Variants in ATF3 observed in about 807,000 individuals in gnomAD.
ATF3 encodes cyclic AMP-dependent transcription factor ATF-3.
ATF3 carries 10 observed loss-of-function variants against 18.4 expected under a neutral mutation model. The ratio of observed to expected loss-of-function variants is 0.54; its 90% confidence interval spans 0.34 to 0.92. The LOEUF is 0.92. Ranked by LOEUF, ATF3 falls within the 40% of genes least tolerant of loss-of-function variation. The pLI, the probability that ATF3 is intolerant of heterozygous loss-of-function variation, is 0.02. For synonymous variants in ATF3, 78 were observed against 87.9 expected (o/e 0.89, Z 0.63); for missense variants, 183 against 222.3 (o/e 0.82, Z 1.12).
At chr1:212,578,255 T>C (rs1664618284) in intron 1 of ATF3, among the ~76,000 whole-genome samples, 1 of 152,256 alleles carries the variant, frequency 6.6e-6, no homozygotes, top group Non-Finnish European at 1.5e-5. Flanking sequence ...CATTTCCTCC[T>C]TTCTCTTCTT....
At chr1:212,617,694 G>A (rs986216682) in intron 2 of ATF3, among the ~76,000 whole-genome samples, 1 of 152,204 alleles carries the variant, frequency 6.6e-6, no homozygotes, top group African/African-American at 2.4e-5. Context: ...AATTGAAGAA[G>A]AGGCCGGGAG....
chr1:212,581,753 G>A (rs1474958010), intron 1 of ATF3, among the ~76,000 whole-genome samples: 1 of 152,034 alleles, frequency 6.6e-6, no homozygotes, highest in African/African-American at 2.4e-5. Flanking sequence ...ATATACATGT[G>A]AAATATCTTA....
chr1:212,567,024 AT>A (rs1232426503), intron 1 of ATF3, among the ~76,000 whole-genome samples: 3 of 152,138 alleles, frequency 2.0e-5, no homozygotes, highest in Non-Finnish European at 4.4e-5. Flanking sequence ...AGGGGTAGCG[AT>A]TTTACTTAAC....
intron 1 of ATF3, among the ~76,000 whole-genome samples, chr1:212,580,156 CA>C (rs368461154): frequency 1.3e-5 from 2 of 148,538 alleles, no homozygotes; most frequent in East Asian, 3.9e-4. Flanking sequence ...GACTCCGTCT[CA>C]AAAAAAAAGA....
chr1:212,594,069 T>A (rs1337793086), intron 1 of ATF3, among the ~76,000 whole-genome samples: 2 of 152,242 alleles, frequency 1.3e-5, no homozygotes, highest in African/African-American at 4.8e-5. Context: ...CTTGGTAGCC[T>A]GTTCCAATGT....
At chr1:212,591,530 G>A in intron 1 of ATF3, among the ~76,000 whole-genome samples, 1 of 152,150 alleles carries the variant, frequency 6.6e-6, no homozygotes, top group East Asian at 1.9e-4. Context: ...CATGGGGAAT[G>A]CTCTCCATCC....
intron 1 of ATF3, among the ~76,000 whole-genome samples, chr1:212,609,727 C>T (rs1275686969): frequency 2.0e-5 from 3 of 152,228 alleles, no homozygotes; most frequent in Non-Finnish European, 1.5e-5. Context: ...GCGGGAGACC[C>T]ACCGTGGCGG....
chr1:212,591,518 G>A (rs772640467), intron 1 of ATF3, among the ~76,000 whole-genome samples: 4 of 152,140 alleles, frequency 2.6e-5, no homozygotes, highest in Non-Finnish European at 5.9e-5. Flanking sequence ...CCAAGGATTG[G>A]CCATGGGGAA....
chr1:212,575,542 A>C (rs1664563150), intron 1 of ATF3, among the ~76,000 whole-genome samples: 1 of 152,114 alleles, frequency 6.6e-6, no homozygotes. Flanking sequence ...TAAGAACTTC[A>C]GTATAATGCT....
chr1:212,605,810 G>C (rs1477850297), upstream of ATF3, among the ~76,000 whole-genome samples: 1 of 152,118 alleles, frequency 6.6e-6, no homozygotes, highest in Non-Finnish European at 1.5e-5. Flanking sequence ...ACATACCAAG[G>C]CTGATCTGAA....
intron 1 of ATF3, among the ~76,000 whole-genome samples, chr1:212,593,278 C>G (rs1404661194): frequency 8.5e-6 from 1 of 117,886 alleles, no homozygotes; most frequent in Non-Finnish European, 1.6e-5. Flanking sequence ...CATCACACAC[C>G]GGAGACTGTT....
chr1:212,602,412 G>T (rs970364575), intron 1 of ATF3, among the ~76,000 whole-genome samples: 1 of 152,124 alleles, frequency 6.6e-6, no homozygotes, highest in Non-Finnish European at 1.5e-5. Flanking sequence ...ATTCTGACAC[G>T]ATGTAGAGCC....
At chr1:212,615,377 G>C in intron 2 of ATF3, 116 bp downstream of exon 2, 1 of 1,317,948 alleles carries the variant, frequency 7.6e-7, no homozygotes, top group Non-Finnish European at 1.0e-6. Context: ...CAAAACCACT[G>C]CCCTCAGGGA....
At chr1:212,569,792 A>G (rs1664447495) in intron 1 of ATF3, among the ~76,000 whole-genome samples, 1 of 152,178 alleles carries the variant, frequency 6.6e-6, no homozygotes, top group Non-Finnish European at 1.5e-5. Flanking sequence ...ATTCATCAAT[A>G]TTGTAAATAG....
At chr1:212,612,926 G>A (rs11571535) in intron 1 of ATF3, among the ~76,000 whole-genome samples, 2,395 of 152,244 alleles carry the variant, frequency 0.016, 60 homozygotes, top group African/African-American at 0.055. Flanking sequence ...GGAGCTCCTG[G>A]CCAAAGAATG....
intron 1 of ATF3, among the ~76,000 whole-genome samples, chr1:212,597,894 T>C (rs1222916098): frequency 6.6e-6 from 1 of 152,230 alleles, no homozygotes; most frequent in Non-Finnish European, 1.5e-5. Flanking sequence ...TTTTATTCTT[T>C]CCTGGATTCC....
At chr1:212,591,018 T>C (rs1664873858) in intron 1 of ATF3, among the ~76,000 whole-genome samples, 1 of 152,192 alleles carries the variant, frequency 6.6e-6, no homozygotes, top group African/African-American at 2.4e-5. Context: ...TTCATAGCAA[T>C]ACACACAAGA....
At chr1:212,611,411 A>C (rs193258480) in intron 1 of ATF3, among the ~76,000 whole-genome samples, 141 of 152,282 alleles carry the variant, frequency 9.3e-4, no homozygotes, top group South Asian at 1.2e-3. Context: ...TGTAAATCTC[A>C]TATGTCCTTC....
chr1:212,595,938 G>T (rs1156928618), intron 1 of ATF3, among the ~76,000 whole-genome samples: 1 of 152,198 alleles, frequency 6.6e-6, no homozygotes. Context: ...AAATGGAAAG[G>T]TTTGGGTGGC....
Sources: gnomAD v4.1 joint callset for allele counts (sites outside exome capture counted in the v4.1 genomes callset) on GRCh38, gnomAD v4.1.1 for gene constraint, MANE v1.5 for transcripts, NCBI Gene and HGNC (gene_info 2026-07-23, HGNC 2026-07-21) for gene names.